MYO1D: variants seen among roughly 807,000 people sequenced by gnomAD.
The protein encoded by MYO1D is myosin ID.
MYO1D carries 83 observed loss-of-function variants against 122.0 expected under a neutral mutation model. That is an observed-to-expected ratio of 0.68 (90% CI 0.57 to 0.82). MYO1D has a LOEUF of 0.82. Ranked by LOEUF, MYO1D falls within the 40% of genes least tolerant of loss-of-function variation. The pLI is 0.00. For missense variants in MYO1D, 1,157 were observed against 1,269.5 expected (o/e 0.91, Z 1.35); for synonymous variants, 464 against 446.9 (o/e 1.04, Z -0.48).
rs552960463 is a variant in MYO1D, at chr17:32,789,209, T to C, written c.96-8425A>G. On this transcript the variant is annotated intron_variant, in intron 1 of 21. Transcript: ENST00000318217. ...TCTAGGTATATGATCAGATCTCTGGTGAACAGCAACAGTTCAACTTCCTCT... is the reference window on the plus strand; with the variant it reads ...TCTAGGTATATGATCAGATCTCTGGCGAACAGCAACAGTTCAACTTCCTCT... 2.0e-5 allele frequency among the ~76,000 whole-genome samples: 3 copies of C among 152,342 alleles called. No homozygotes were observed. In the South Asian group the frequency reaches 6.2e-4, roughly 32 times the overall value.
intron 1 of MYO1D, among the ~76,000 whole-genome samples, chr17:32,847,732 C>A (rs1367534921): frequency 6.6e-6 from 1 of 152,186 alleles, no homozygotes; most frequent in African/African-American, 2.4e-5. Context: ...CCAGGCTGAT[C>A]TCCAACTCCT....
chr17:32,501,692 C>T (rs1009820868), intron 21 of MYO1D, among the ~76,000 whole-genome samples: 5 of 152,242 alleles, frequency 3.3e-5, no homozygotes, highest in African/African-American at 1.2e-4. Context: ...TCCGCGAGGA[C>T]AGACGAGCCT....
At chr17:32,632,367 T>G (rs1307867280) in intron 20 of MYO1D, 1 of 152,022 alleles carries the variant, frequency 6.6e-6, no homozygotes, top group Non-Finnish European at 1.5e-5. Context: ...ATTAGGAGAT[T>G]TCACATAAAA....
intron 21 of MYO1D, among the ~76,000 whole-genome samples, chr17:32,543,602 A>AT (rs1364138512): frequency 2.0e-5 from 3 of 148,364 alleles, no homozygotes; most frequent in Non-Finnish European, 3.0e-5. Context: ...AAATAAATAA[A>AT]AAATAAAAAT....
At chr17:32,637,261 G>T (rs1385595520) in intron 20 of MYO1D, among the ~76,000 whole-genome samples, 2 of 152,202 alleles carry the variant, frequency 1.3e-5, no homozygotes, top group Non-Finnish European at 2.9e-5. Flanking sequence ...GACAAAATAT[G>T]ATTTTCTGCC....
intron 19 of MYO1D, among the ~76,000 whole-genome samples, chr17:32,640,446 G>C (rs963601449): frequency 6.8e-5 from 10 of 147,806 alleles, no homozygotes; most frequent in African/African-American, 2.5e-4. Context: ...TCTAGCATTA[G>C]GTATATCTCC....
chr17:32,784,201 C>T (rs943792078), intron 1 of MYO1D, among the ~76,000 whole-genome samples: 6 of 152,220 alleles, frequency 3.9e-5, no homozygotes, highest in Non-Finnish European at 2.9e-5. Flanking sequence ...ACCTCCCCTA[C>T]CACTTCTCTC....
intron 21 of MYO1D, among the ~76,000 whole-genome samples, chr17:32,525,865 G>A (rs1167202192): frequency 6.6e-6 from 1 of 152,100 alleles, no homozygotes; most frequent in Non-Finnish European, 1.5e-5. Flanking sequence ...GGAGAAACTG[G>A]ACCTCCCAAC....
intron 21 of MYO1D, among the ~76,000 whole-genome samples, chr17:32,525,175 T>A (rs1318072565): frequency 6.6e-6 from 1 of 152,224 alleles, no homozygotes; most frequent in Non-Finnish European, 1.5e-5. Context: ...AGGCTCCTGG[T>A]AGGATTTATT....
At chr17:32,640,414 C>T (rs377141283) in intron 19 of MYO1D, among the ~76,000 whole-genome samples, 18 of 141,032 alleles carry the variant, frequency 1.3e-4, no homozygotes, top group South Asian at 4.8e-4. Flanking sequence ...CATGCTGGTG[C>T]GCTGCACCCA....
rs375441147 is a variant in MYO1D at position 32,527,074 on chromosome 17, C to G, written c.2865-32159G>C. 3.9e-5 allele frequency among the ~76,000 whole-genome samples: 6 copies of G among 152,226 alleles called. No individual in the cohort carries two copies. In the East Asian group the frequency reaches 9.6e-4, roughly 24 times the overall value. The stretch of plus-strand genomic sequence containing the variant: ...CAGTGCTGCTTGGTTTCTCTACAAA[C>G]ACTTTTCGTAAGACCACAGTGGGGT... On this transcript the variant is annotated intron_variant, in intron 21 of 21. Coordinates refer to ENST00000318217, the MANE Select transcript of MYO1D (RefSeq NM_015194.3).
At chr17:32,615,730 C>G (rs1233871664) in intron 20 of MYO1D, among the ~76,000 whole-genome samples, 1 of 152,188 alleles carries the variant, frequency 6.6e-6, no homozygotes, top group Non-Finnish European at 1.5e-5. Flanking sequence ...ATCTTCCAGA[C>G]AGACTAAACG....
intron 13 of MYO1D, among the ~76,000 whole-genome samples, chr17:32,742,818 T>C (rs2089787840): frequency 6.6e-6 from 1 of 152,226 alleles, no homozygotes; most frequent in Non-Finnish European, 1.5e-5. Flanking sequence ...AATCATTTGA[T>C]AACAATTCTT....
At chr17:32,876,515 C>G (rs763246181) in intron 1 of MYO1D, among the ~76,000 whole-genome samples, 2 of 152,298 alleles carry the variant, frequency 1.3e-5, no homozygotes, top group African/African-American at 2.4e-5. Flanking sequence ...CCCCGGACAG[C>G]GCCCAGGGCT....
intron 1 of MYO1D, among the ~76,000 whole-genome samples, chr17:32,816,936 G>A (rs1403412837): frequency 1.3e-5 from 2 of 151,890 alleles, no homozygotes; most frequent in African/African-American, 4.8e-5. Flanking sequence ...GATGACAAGC[G>A]GTAAGAAATG....
At chr17:32,820,619 C>T (rs1481508468) in intron 1 of MYO1D, among the ~76,000 whole-genome samples, 2 of 152,044 alleles carry the variant, frequency 1.3e-5, no homozygotes, top group Non-Finnish European at 2.9e-5. Flanking sequence ...AGGTCATAAC[C>T]TCATACAATT....
At position 32,578,404 on chromosome 17, in the gene MYO1D, A is replaced by T. The variant is rs1435676107; in HGVS notation, c.2864+26683T>A. Among the ~76,000 whole-genome samples, 7 of 152,250 alleles carry T rather than the reference A, an allele frequency of 4.6e-5. No homozygotes were observed. The South Asian group carries it at 1.4e-3, about 31-fold the overall frequency. ...GTTACTACTTTCACCTGATAGAATA[A>T]TAACTTCAGAACCCTGCTCATCTGG... On this transcript the variant is annotated intron_variant, in intron 21 of 21. Transcript: ENST00000318217.
At chr17:32,654,721 C>T in intron 17 of MYO1D, 100 bp from the exon 18 acceptor site, 1 of 1,157,378 alleles carries the variant, frequency 8.6e-7, no homozygotes, top group Non-Finnish European at 1.2e-6. Context: ...CTCCATCTCC[C>T]AGGCTGGAGT....
At chr17:32,701,570 AT>A (rs200842596) in intron 16 of MYO1D, among the ~76,000 whole-genome samples, 1 of 150,750 alleles carries the variant, frequency 6.6e-6, no homozygotes, top group Non-Finnish European at 1.5e-5. Flanking sequence ...AATTTATTTC[AT>A]TTTTTTTTAG....
Sources: gnomAD v4.1 joint callset for allele counts (sites outside exome capture counted in the v4.1 genomes callset) on GRCh38, gnomAD v4.1.1 for gene constraint, MANE v1.5 for transcripts, NCBI Gene and HGNC (gene_info 2026-07-23, HGNC 2026-07-21) for gene names.